LPCAT3: variants seen among roughly 807,000 people sequenced by gnomAD.
The protein encoded by LPCAT3 is lysophosphatidylcholine acyltransferase 3.
A neutral mutation model predicts 63.4 loss-of-function variants in LPCAT3; 21 were observed. The ratio of observed to expected loss-of-function variants is 0.33; its 90% CI spans 0.23 to 0.48. LPCAT3 has a LOEUF of 0.48. LPCAT3 is among the 20% of genes least tolerant of loss of function. The pLI, the probability that LPCAT3 is intolerant of heterozygous loss-of-function variation, is 0.99. For synonymous variants in LPCAT3, 242 were observed against 227.5 expected, an observed-to-expected ratio of 1.06 and a Z score of -0.58; for missense variants, 451 against 590.6, an observed-to-expected ratio of 0.76 and a Z score of 2.45.
chr12:6,988,344 C>T (rs1161453252), intron 1 of LPCAT3: 2 of 152,274 alleles, frequency 1.3e-5, no homozygotes, highest in African/African-American at 2.4e-5. Context: ...AGCAAGCCGC[C>T]GTGGAGAAGG....
chr12:7,014,819 G>A (rs891291681), intron 1 of LPCAT3, among the ~76,000 whole-genome samples: 21 of 151,178 alleles, frequency 1.4e-4, no homozygotes, highest in African/African-American at 4.9e-4. Context: ...CTTGAACCTG[G>A]GAGGCGGAGG....
rs1287109569 is a variant in LPCAT3 at position 6,987,177 on chromosome 12, C to A, written c.152-3638G>T. 1.3e-5 allele frequency among the ~76,000 whole-genome samples: 2 copies of A among 152,096 alleles called. No homozygotes were observed. The highest frequency in any genetic ancestry group is 2.9e-5 in the Non-Finnish European group (2 of 68,032). On this transcript the variant is annotated intron_variant, in intron 1 of 12. Transcript: ENST00000261407. This position sits in a 1 kb window ranked among gnomAD's most constrained non-coding sequence, Gnocchi z 4.1. ...GTACAAGGGGTGGGATCCCATAGGA[C>A]CTGCGCTGTTCAAGGCTCAACTGTA...
chr12:6,989,563 G>T (rs1448114376), intron 1 of LPCAT3, among the ~76,000 whole-genome samples: 2 of 152,072 alleles, frequency 1.3e-5, no homozygotes, highest in Non-Finnish European at 2.9e-5. Flanking sequence ...CTCCCAAAGT[G>T]CTGGGATTAC....
chr12:6,991,355 T>C (rs1165119823), intron 1 of LPCAT3, among the ~76,000 whole-genome samples: 3 of 152,240 alleles, frequency 2.0e-5, no homozygotes, highest in Admixed American at 6.5e-5. Flanking sequence ...ATAAAACCCA[T>C]TGGCTTCTCT....
rs1242906595 is a variant in LPCAT3, at chr12:7,001,383, T to TA, written c.151+16890dup. ...CTTCAGATCCCAGAAATCCTAGATT[T>TA]AAAAAAAATAATCAACCACCACCCC... On this transcript the variant is annotated intron_variant, in intron 1 of 12. Transcript: ENST00000261407. The TA allele has an allele frequency of 2.2e-5, 10 of 453,386 alleles. No homozygotes were observed. In the East Asian group the frequency reaches 5.6e-4, roughly 25 times the overall value. The allele number at this position is 453,386 out of a possible 1,614,324, so 28.1% of individuals were successfully genotyped here. A position where few individuals can be genotyped will look rare whatever the true frequency, so the allele number is the denominator to read the frequency against.
intron 1 of LPCAT3, among the ~76,000 whole-genome samples, chr12:6,986,740 A>G (rs1946529777): frequency 7.0e-6 from 1 of 143,694 alleles, no homozygotes; most frequent in African/African-American, 2.6e-5. Context: ...CAGAGATTGC[A>G]GTGAGCAGAG....
At chr12:7,006,678 A>G (rs1314337234) in intron 1 of LPCAT3, among the ~76,000 whole-genome samples, 6 of 152,200 alleles carry the variant, frequency 3.9e-5, no homozygotes, top group African/African-American at 1.2e-4. Flanking sequence ...GTACGGTTCA[A>G]TATTTTTGGT....
chr12:7,010,767 C>G (rs1042303168), intron 1 of LPCAT3, among the ~76,000 whole-genome samples: 38 of 152,044 alleles, frequency 2.5e-4, no homozygotes, highest in Non-Finnish European at 3.1e-4. Flanking sequence ...TAAAGTTATA[C>G]TGGAATTCAA....
At position 6,983,074 on chromosome 12, in the gene LPCAT3, G is replaced by A. The variant is rs750846889; in HGVS notation, c.260-292C>T. 34 of 542,510 alleles carry A rather than the reference G, an allele frequency of 6.3e-5. No homozygotes were observed. The Middle Eastern group carries it at 8.3e-4, about 13-fold the overall frequency. The allele number at this position is 542,510 out of a possible 1,614,324, so 33.6% of individuals were successfully genotyped here. ...ATAGCTCACTGCAGCCTTGAATTCCGGGCTACCACACCCAGCTTGTTACTG... is the reference window on the plus strand; with the variant it reads ...ATAGCTCACTGCAGCCTTGAATTCCAGGCTACCACACCCAGCTTGTTACTG... On this transcript the variant is annotated intron_variant, in intron 2 of 12. Coordinates refer to ENST00000261407, the MANE Select transcript of LPCAT3 (RefSeq NM_005768.6).
chr12:6,983,556 A>G lies in LPCAT3; in HGVS notation c.152-17T>C. 6.6e-7 allele frequency: 1 copy of G among 1,507,916 alleles called. No homozygotes were observed. Among genetic ancestry groups the G allele is most frequent in the East Asian group, 2.3e-5 (1 of 44,300 alleles). The allele number at this position is 1,507,916 out of a possible 1,614,324, so 93.4% of individuals were successfully genotyped here. A position where few individuals can be genotyped will look rare whatever the true frequency, so the allele number is the denominator to read the frequency against. ...AGGGGTAACCTAGATGGGGGAAAAG[A>G]TAAGAAGAGTGTTATTTGTGCCTGG... On this transcript the variant is annotated splice_polypyrimidine_tract_variant and intron_variant, in intron 1 of 12. Transcript: ENST00000261407.
chr12:6,988,822 C>T (rs1428092127), intron 1 of LPCAT3, among the ~76,000 whole-genome samples: 1 of 152,076 alleles, frequency 6.6e-6, no homozygotes, highest in African/African-American at 2.4e-5. Flanking sequence ...TTGTAACAAC[C>T]CAGAGGTTTG....
rs1591560407 is a variant in LPCAT3 at position 7,016,647 on chromosome 12, A to G, written c.151+1627T>C. The stretch of plus-strand genomic sequence containing the variant: ...AGCGTTCCTCCCACCTTGGCCTCCC[A>G]AAGTGTTACGATTATAAGCATAAGC... On this transcript the variant is annotated intron_variant, in intron 1 of 12. Coordinates refer to ENST00000261407, the MANE Select transcript of LPCAT3 (RefSeq NM_005768.6). Among the ~76,000 whole-genome samples, 3 of 152,228 alleles carry G rather than the reference A, an allele frequency of 2.0e-5. No individual in the cohort carries two copies. In the South Asian group the frequency reaches 6.2e-4, roughly 31 times the overall value.
chr12:7,008,652 T>C (rs1303575347), intron 1 of LPCAT3, among the ~76,000 whole-genome samples: 1 of 152,028 alleles, frequency 6.6e-6, no homozygotes, highest in Non-Finnish European at 1.5e-5. Flanking sequence ...CTCCGGAGGC[T>C]GAGGCAGGAG....
In LPCAT3 at chr12:6,987,715, C is replaced by T. The variant is rs1240713068; in HGVS notation, c.152-4176G>A. ...AAAACCCTTAACCATTTGGAATGCT[C>T]GAAATTAAAAAACACCACACATATT... On this transcript the variant is annotated intron_variant, in intron 1 of 12. Transcript: ENST00000261407. The surrounding 1 kb of genome is among the most constrained non-coding windows in gnomAD (Gnocchi z 4.1). The T allele has an allele frequency of 1.8e-5, 7 of 399,384 alleles. No homozygotes were observed. Among genetic ancestry groups the T allele is most frequent in the Admixed American group, 8.8e-5 (2 of 22,682 alleles). The allele number at this position is 399,384 out of a possible 1,614,324, so 24.7% of individuals were successfully genotyped here.
At chr12:6,979,420 A>G in intron 7 of LPCAT3, 51 bp downstream of exon 7, 1 of 1,368,694 alleles carries the variant, frequency 7.3e-7, no homozygotes, top group Non-Finnish European at 1.0e-6. Flanking sequence ...TTGCCTGTCC[A>G]TTTTCTAGCT....
intron 7 of LPCAT3, chr12:6,979,251 A>C (rs1174815345): frequency 5.2e-6 from 3 of 574,194 alleles, no homozygotes; most frequent in Non-Finnish European, 9.3e-6. Context: ...ACGGGTGCTA[A>C]ATGTGCACCT....
At chr12:6,981,670 G>C (rs782631853) in intron 4 of LPCAT3, 38 bp from the exon 5 acceptor site, 7 of 1,588,176 alleles carry the variant, frequency 4.4e-6, no homozygotes, top group Non-Finnish European at 6.0e-6. Context: ...GGTGGTGGGA[G>C]AGGACACTGA....
Position 6,977,643 on chromosome 12 carries a change from C to T in LPCAT3, c.1143G>A (p.Leu381=). The part of the protein sequence containing the change: ...ALWHGLHSGY[L]VCFQMEFLIV... Reference sequence around the variant, plus strand: ...TGAGGAATTCCATCTGGAAGCAGACCAGGTATCCTGAGTGCAGGCCGTGCC... The same window carrying T: ...TGAGGAATTCCATCTGGAAGCAGACTAGGTATCCTGAGTGCAGGCCGTGCC... Residue 381 remains leucine, a synonymous_variant, in exon 10 of 13, where the codon CTG becomes CTA. Coordinates refer to ENST00000261407, the MANE Select transcript of LPCAT3 (RefSeq NM_005768.6). This position sits in a 1 kb window ranked among gnomAD's most constrained non-coding sequence, Gnocchi z 4.5. The T allele has an allele frequency of 1.2e-6, 2 of 1,614,206 alleles. No individual in the cohort carries two copies. Among genetic ancestry groups the T allele is most frequent in the African/African-American group, 2.7e-5 (2 of 75,056 alleles).
chr12:6,981,890 A>G lies in LPCAT3; in HGVS notation c.381T>C (p.Ala127=), dbSNP rs781852997. The change falls in exon 4 of 13, where the codon GCT becomes GCC. Residue 127 remains alanine, a synonymous_variant. Transcript: ENST00000261407. ...TFCFQMAYLL[A]GYYYTATGNY... ...TGCCGGTGGCAGTGTAATAGTATCC[A>G]GCCAGAAGGTAGGCCTAGGAGAGGC... is the stretch of plus-strand genomic sequence containing the variant. 2 of 1,606,826 alleles carry G rather than the reference A, an allele frequency of 1.2e-6. No individual in the cohort carries two copies. The highest frequency in any genetic ancestry group is 1.1e-5 in the South Asian group (1 of 90,952).
Sources: gnomAD v4.1 joint callset for allele counts (sites outside exome capture counted in the v4.1 genomes callset) on GRCh38, gnomAD v4.1.1 for gene constraint, Gnocchi (gnomAD v3.1) non-coding constraint, MANE v1.5 for transcripts, NCBI Gene and HGNC (gene_info 2026-07-23, HGNC 2026-07-21) for gene names.